The following ADAMTS17 variants were observed in gnomAD, a reference collection of about 807,000 sequenced individuals.
The protein encoded by ADAMTS17 is A disintegrin and metalloproteinase with thrombospondin motifs 17.
Under a neutral mutation model 141.5 loss-of-function variants are expected in ADAMTS17, and 113 were observed. The observed-to-expected ratio is 0.80, with a 90% CI of 0.69 to 0.93. The LOEUF (loss-of-function observed/expected upper bound fraction) is 0.93, where lower values mean the gene tolerates loss of function less well. Ranked by LOEUF, ADAMTS17 falls within the 40% of genes least tolerant of loss-of-function variation. ADAMTS17 has a pLI of 0.00. For synonymous variants in ADAMTS17, 768 were observed against 630.6 expected (o/e 1.22, Z -3.27); for missense variants, 1,659 against 1,517.9 (o/e 1.09, Z -1.54).
chr15:100,044,776 AAAG>A (rs1344410351), intron 18 of ADAMTS17, among the ~76,000 whole-genome samples: 5 of 151,952 alleles, frequency 3.3e-5, no homozygotes, highest in Non-Finnish European at 4.4e-5. Context: ...TGCTCAACAG[AAAG>A]AAGATGAGAA....
intron 20 of ADAMTS17, 84 bp from the exon 21 acceptor site, chr15:99,976,306 C>T (rs2060327920): frequency 1.3e-6 from 2 of 1,505,260 alleles, no homozygotes; most frequent in African/African-American, 2.8e-5. Flanking sequence ...ACTGCGGAGA[C>T]AGGACAGCCT....
intron 7 of ADAMTS17, among the ~76,000 whole-genome samples, chr15:100,236,424 G>A (rs574875703): frequency 1.3e-5 from 2 of 152,054 alleles, no homozygotes; most frequent in African/African-American, 2.4e-5. Context: ...CTGGGGTGAG[G>A]TCCAGCCGGC....
At chr15:100,111,356 G>A (rs535298724) in intron 13 of ADAMTS17, among the ~76,000 whole-genome samples, 57 of 152,380 alleles carry the variant, frequency 3.7e-4, no homozygotes, top group Middle Eastern at 3.4e-3. Context: ...GTGCTGGCAG[G>A]CTAGGGGCAG....
chr15:100,221,135 G>A (rs1000904703), intron 7 of ADAMTS17, among the ~76,000 whole-genome samples: 20 of 151,900 alleles, frequency 1.3e-4, no homozygotes, highest in African/African-American at 1.2e-4. Flanking sequence ...ACGGGCAAAC[G>A]CTTATGTGTT....
At chr15:100,222,131 A>C (rs2042152946) in intron 7 of ADAMTS17, among the ~76,000 whole-genome samples, 1 of 152,224 alleles carries the variant, frequency 6.6e-6, no homozygotes, top group African/African-American at 2.4e-5. Context: ...AGCAATTTGC[A>C]ACGTGACTAT....
chr15:100,096,544 C>A (rs868233015), intron 14 of ADAMTS17, 68 bp from the exon 15 acceptor site: 53 of 1,609,316 alleles, frequency 3.3e-5, no homozygotes, highest in Admixed American at 1.0e-4. Flanking sequence ...GGCTGCCCTG[C>A]AAGGCTAACT....
chr15:100,234,871 C>T (rs1368801240), intron 7 of ADAMTS17, among the ~76,000 whole-genome samples: 1 of 152,182 alleles, frequency 6.6e-6, no homozygotes, highest in Non-Finnish European at 1.5e-5. Context: ...GCTGTTTTGT[C>T]CTGTTTGATT....
At chr15:100,246,806 A>T (rs915520245) in intron 7 of ADAMTS17, among the ~76,000 whole-genome samples, 2 of 152,128 alleles carry the variant, frequency 1.3e-5, no homozygotes, top group African/African-American at 4.8e-5. Flanking sequence ...TTATTTTTTC[A>T]TAAGTTTATT....
At chr15:100,098,195 G>A (rs1596415035) in intron 14 of ADAMTS17, among the ~76,000 whole-genome samples, 1 of 152,024 alleles carries the variant, frequency 6.6e-6, no homozygotes, top group Non-Finnish European at 1.5e-5. Flanking sequence ...TATGGTAACT[G>A]GCAACCAACT....
At chr15:100,074,592 C>A (rs2034233687) in intron 15 of ADAMTS17, among the ~76,000 whole-genome samples, 1 of 151,754 alleles carries the variant, frequency 6.6e-6, no homozygotes, top group South Asian at 2.1e-4. Context: ...TTGGTGATAG[C>A]ATATTATTTT....
intron 8 of ADAMTS17, among the ~76,000 whole-genome samples, chr15:100,176,611 C>A (rs1346579346): frequency 6.6e-6 from 1 of 152,184 alleles, no homozygotes; most frequent in African/African-American, 2.4e-5. Flanking sequence ...TGGGTACGAT[C>A]CACAAAACTT....
In ADAMTS17 at chr15:100,152,704, G is replaced by C; in HGVS notation, c.1381C>G (p.Leu461Val). 1 of 1,614,252 alleles carries C rather than the reference G, an allele frequency of 6.2e-7. No individual in the cohort carries two copies. The highest frequency in any genetic ancestry group is 8.5e-7 in the Non-Finnish European group (1 of 1,180,052). The change falls in exon 10 of 22, where the codon CTC becomes GTC. Residue 461 changes from leucine (L) to valine (V), a missense_variant. Physicochemically the swap from Leu to Val is conservative, Grantham distance 32. Transcript: ENST00000268070. ...TDPRSQHTVR[L>V]PHKLPGMHYS... is the part of the protein sequence containing the mutation. ...TGCATGCCCGGCAGCTTGTGCGGGA[G>C]GCGTACTGTGTGCTGGCTTCTGGGG...
intron 7 of ADAMTS17, among the ~76,000 whole-genome samples, chr15:100,252,021 T>C (rs2043171153): frequency 6.6e-6 from 1 of 152,178 alleles, no homozygotes; most frequent in Admixed American, 6.5e-5. Context: ...CATTTTGTTA[T>C]GGCGCCCGAG....
At chr15:100,298,213 A>T (rs1260064885) in intron 3 of ADAMTS17, among the ~76,000 whole-genome samples, 1 of 152,186 alleles carries the variant, frequency 6.6e-6, no homozygotes, top group Non-Finnish European at 1.5e-5. Context: ...GATTTCCTTG[A>T]AATGAGAAAA....
chr15:100,002,177 C>T (rs1239517344), intron 18 of ADAMTS17, among the ~76,000 whole-genome samples: 1 of 151,914 alleles, frequency 6.6e-6, no homozygotes, highest in Non-Finnish European at 1.5e-5. Flanking sequence ...GAACTGACTC[C>T]CACAAGATCT....
intron 15 of ADAMTS17, among the ~76,000 whole-genome samples, chr15:100,091,450 A>G (rs931972091): frequency 1.3e-5 from 2 of 152,210 alleles, no homozygotes; most frequent in African/African-American, 2.4e-5. Flanking sequence ...ATAAAATCCA[A>G]TGCCTTTGCC....
At chr15:100,209,559 G>A (rs969216910) in intron 7 of ADAMTS17, among the ~76,000 whole-genome samples, 8 of 151,484 alleles carry the variant, frequency 5.3e-5, no homozygotes, top group African/African-American at 7.3e-5. Context: ...GACAATCTCC[G>A]CCTTTGCTGA....
intron 8 of ADAMTS17, among the ~76,000 whole-genome samples, chr15:100,172,225 T>C (rs79082922): frequency 0.012 from 1,867 of 152,288 alleles, 35 homozygotes; most frequent in African/African-American, 0.042. Flanking sequence ...CACTGGTGCC[T>C]GGCTCCCTCA....
At chr15:100,121,222 G>C (rs548398499) in intron 12 of ADAMTS17, among the ~76,000 whole-genome samples, 1 of 152,198 alleles carries the variant, frequency 6.6e-6, no homozygotes, top group Non-Finnish European at 1.5e-5. Context: ...GGACACCATC[G>C]AGTGGATCAA....
Sources: allele counts gnomAD v4.1 joint callset (sites outside exome capture counted in the v4.1 genomes callset), GRCh38; gene constraint gnomAD v4.1.1; transcripts MANE v1.5; gene names NCBI Gene and HGNC (gene_info 2026-07-23, HGNC 2026-07-21).